The following TMEM87A variants were observed in gnomAD, a reference collection of about 807,000 sequenced individuals.
TMEM87A encodes the protein Golgi-pH regulating cation channel.
In TMEM87A, 50 loss-of-function variants were observed where a neutral mutation model predicts 90.0. The observed-to-expected ratio is 0.56, with a 90% CI of 0.44 to 0.70. The LOEUF (loss-of-function observed/expected upper bound fraction) is 0.70. Among genes scored for constraint, TMEM87A ranks in the 30% least tolerant of loss-of-function variants. TMEM87A has a pLI of 0.00. For missense variants in TMEM87A, 577 were observed against 660.5 expected (o/e 0.87, Z 1.39); for synonymous variants, 226 against 226.7 (o/e 1.00, Z 0.03).
At chr15:42,227,870 C>G in intron 13 of TMEM87A, 101 bp from the exon 14 acceptor site, 1 of 928,000 alleles carries the variant, frequency 1.1e-6, no homozygotes, top group South Asian at 1.4e-5. Context: ...ACACCCCGAA[C>G]CCCCAAATAC....
Position 42,231,193 on chromosome 15 carries a change from C to T in TMEM87A, c.1130G>A (p.Trp377Ter). The change falls in exon 12 of 20, where the codon TGG becomes TAG. Residue 377 changes from tryptophan to a stop codon, truncating the protein, a stop_gained and splice_region_variant. Transcript: ENST00000389834. LOFTEE classifies it high-confidence loss of function. ...LAFLDTALCW[W>*]IFISLTQTMK... ...CAAACAAGCCAATGAGAAGGATATC[C>T]ACCAGCACAAGGCAGTGTCTAGGAA... 1.2e-6 allele frequency: 2 copies of T among 1,602,938 alleles called. No homozygotes were observed. The highest frequency in any genetic ancestry group is 1.7e-6 in the Non-Finnish European group (2 of 1,175,660).
chr15:42,240,097 T>C (rs533342690), intron 7 of TMEM87A, among the ~76,000 whole-genome samples: 3 of 152,316 alleles, frequency 2.0e-5, no homozygotes, highest in Admixed American at 2.0e-4. Flanking sequence ...ATACTTCATA[T>C]ATACTTTTCC....
At chr15:42,260,900 A>C (rs972682813) in intron 6 of TMEM87A, 58 bp downstream of exon 6, 5 of 1,550,324 alleles carry the variant, frequency 3.2e-6, no homozygotes, top group African/African-American at 2.8e-5. Context: ...TCAGAAATAC[A>C]CAAATTTAAG....
intron 12 of TMEM87A, 122 bp from the exon 13 acceptor site, chr15:42,228,942 T>C (rs536912333): frequency 3.1e-5 from 19 of 608,084 alleles, no homozygotes; most frequent in African/African-American, 2.9e-4. Context: ...AGAGGCCTTA[T>C]AGCTCTCTTA....
intron 6 of TMEM87A, among the ~76,000 whole-genome samples, chr15:42,247,700 T>C (rs564435721): frequency 6.6e-6 from 1 of 152,186 alleles, no homozygotes; most frequent in Non-Finnish European, 1.5e-5. Flanking sequence ...CCTTGTAGTA[T>C]AGTTTGAAGT....
chr15:42,234,602 C>T lies in TMEM87A; in HGVS notation c.969-1296G>A, dbSNP rs1368236130. 3.9e-5 allele frequency among the ~76,000 whole-genome samples: 6 copies of T among 152,168 alleles called. No homozygotes were observed. In the East Asian group the frequency reaches 1.2e-3, roughly 29 times the overall value. On this transcript the variant is annotated intron_variant, in intron 10 of 19. Coordinates refer to ENST00000389834, the MANE Select transcript of TMEM87A (RefSeq NM_015497.5). Reference sequence around the variant, plus strand: ...AATTGAATAAACAAACTTAAAACAACTAACCTTAATCCTACTTAAAGCACT... The same window carrying T: ...AATTGAATAAACAAACTTAAAACAATTAACCTTAATCCTACTTAAAGCACT...
intron 11 of TMEM87A, chr15:42,232,972 A>T: frequency 1.0e-5 from 3 of 286,620 alleles, no homozygotes; most frequent in Non-Finnish European, 1.9e-5. Context: ...TGGGAGGAGG[A>T]ACTAAAACAA....
At chr15:42,231,141 T>A (rs762911351) in intron 12 of TMEM87A, 51 bp downstream of exon 12, 3 of 1,043,638 alleles carry the variant, frequency 2.9e-6, no homozygotes, top group Non-Finnish European at 4.0e-6. Flanking sequence ...TGGAAACCCA[T>A]CTCAAGGGGA....
At chr15:42,235,312 T>C (rs1020797101) in intron 10 of TMEM87A, among the ~76,000 whole-genome samples, 2 of 152,220 alleles carry the variant, frequency 1.3e-5, no homozygotes, top group African/African-American at 4.8e-5. Context: ...GTGTGAGGAT[T>C]ATGGCGTAAG....
rs1329823865 is a variant in TMEM87A at position 42,261,176 on chromosome 15, T to C, written c.459+20A>G. Reference sequence around the variant, plus strand: ...AAAGTTTTTACTGCACTCTCAGAAATATATAATGAAAACAATTACCTCCTG... The same window carrying C: ...AAAGTTTTTACTGCACTCTCAGAAACATATAATGAAAACAATTACCTCCTG... On this transcript the variant is annotated intron_variant, in intron 5 of 19. Transcript: ENST00000389834. 2.5e-5 allele frequency: 41 copies of C among 1,611,182 alleles called. No homozygotes were observed. The highest frequency in any genetic ancestry group is 3.4e-5 in the Non-Finnish European group (40 of 1,178,494).
Position 42,219,634 on chromosome 15 carries a change from T to G in TMEM87A, c.1486A>C (p.Lys496Gln). Residue 496 changes from lysine to glutamine, a missense_variant, in exon 17 of 20, where the codon AAA (lysine) becomes CAA (glutamine). Coordinates refer to ENST00000389834, the MANE Select transcript of TMEM87A (RefSeq NM_015497.5). Reference protein sequence around the residue: ...PMLKESFEGMKMRSTKQEPNG... With the variant: ...PMLKESFEGMQMRSTKQEPNG... ...GGTTCTTGTTTGGTACTTCTCATTTTCATTCCTTCTGTAGAAGAAAATAAA... is the reference window on the plus strand; with the variant it reads ...GGTTCTTGTTTGGTACTTCTCATTTGCATTCCTTCTGTAGAAGAAAATAAA... 6.3e-6 allele frequency: 10 copies of G among 1,597,244 alleles called. No homozygotes were observed. Among genetic ancestry groups the G allele is most frequent in the Non-Finnish European group, 6.8e-6 (8 of 1,169,626 alleles).
chr15:42,219,070 C>T (rs1250520141), intron 17 of TMEM87A: 1 of 154,672 alleles, frequency 6.5e-6, no homozygotes, highest in Non-Finnish European at 1.4e-5. Context: ...CTTGCCAACA[C>T]TTGTTATTTC....
At chr15:42,228,845 C>A (rs1193097416) in intron 12 of TMEM87A, 25 bp from the exon 13 acceptor site, 1 of 1,516,914 alleles carries the variant, frequency 6.6e-7, no homozygotes, top group Admixed American at 2.1e-5. Flanking sequence ...AGGAATTCAA[C>A]ATTCAGGAAA....
At chr15:42,253,014 T>G (rs1490192959) in intron 6 of TMEM87A, among the ~76,000 whole-genome samples, 1 of 152,242 alleles carries the variant, frequency 6.6e-6, no homozygotes, top group Non-Finnish European at 1.5e-5. Flanking sequence ...GTCTGCATTC[T>G]TAGACCTGTG....
chr15:42,226,395 G>C (rs921206267), intron 15 of TMEM87A, among the ~76,000 whole-genome samples: 20 of 151,306 alleles, frequency 1.3e-4, no homozygotes, highest in African/African-American at 4.6e-4. Flanking sequence ...ACACATAGTA[G>C]ACTACAGAAT....
In TMEM87A at chr15:42,254,636, T is replaced by C. The variant is rs571887994; in HGVS notation, c.504+6322A>G. Among the ~76,000 whole-genome samples the C allele has an allele frequency of 1.9e-3, 285 of 152,226 alleles. 1 individual carries two copies. Among genetic ancestry groups the C allele is most frequent in the African/African-American group, 6.2e-3 (258 of 41,534 alleles). On this transcript the variant is annotated intron_variant, in intron 6 of 19. Transcript: ENST00000389834. ...ACATATTTGTACAATTCCAACTAGA[T>C]GACATTCTGGAAAAGGCAAAACTAT...
chr15:42,223,380 G>A lies in TMEM87A; in HGVS notation c.1404-3245C>T, dbSNP rs538431503. On this transcript the variant is annotated intron_variant, in intron 15 of 19. Transcript: ENST00000389834. ...TACACTCCAGCCTTGGCTTCAGAGC[G>A]AGACCCCATCTCAAAATAAATAAAT... 7.2e-5 allele frequency among the ~76,000 whole-genome samples: 11 copies of A among 152,230 alleles called. No homozygotes were observed. In the East Asian group the frequency reaches 1.2e-3, roughly 16 times the overall value.
chr15:42,267,078 T>C lies in TMEM87A; in HGVS notation c.291+869A>G, dbSNP rs555139377. Among the ~76,000 whole-genome samples, 6 of 152,368 alleles carry C rather than the reference T, an allele frequency of 3.9e-5. No homozygotes were observed. In the South Asian group the frequency reaches 1.2e-3, roughly 32 times the overall value. On this transcript the variant is annotated intron_variant, in intron 3 of 19. Transcript: ENST00000389834. Reference sequence around the variant, plus strand: ...GGAATTTTGAAGAACTTGTATCTGCTACACTGAATTTAACGGCTTCCAAAA... The same window carrying C: ...GGAATTTTGAAGAACTTGTATCTGCCACACTGAATTTAACGGCTTCCAAAA...
At chr15:42,218,983 C>A (rs1022865971) in intron 17 of TMEM87A, 2 of 152,956 alleles carry the variant, frequency 1.3e-5, no homozygotes, top group African/African-American at 4.8e-5. Context: ...TGAGGAAGCT[C>A]CATACTATTT....
Sources: gnomAD v4.1 joint callset for allele counts (sites outside exome capture counted in the v4.1 genomes callset) on GRCh38, gnomAD v4.1.1 for gene constraint, MANE v1.5 for transcripts, NCBI Gene and HGNC (gene_info 2026-07-23, HGNC 2026-07-21) for gene names.